Variants in DACH1 observed in about 807,000 individuals in gnomAD.
DACH1 encodes the protein dachshund homolog 1.
In DACH1, 12 loss-of-function variants were observed where a neutral mutation model predicts 54.2. That is an observed-to-expected ratio of 0.22 (90% CI 0.14 to 0.36). The LOEUF (loss-of-function observed/expected upper bound fraction) is 0.36, where lower values mean the gene tolerates loss of function less well. DACH1 is among the 10% of genes least tolerant of loss of function. DACH1 has a pLI of 1.00. For synonymous variants in DACH1, 386 were observed against 366.2 expected (o/e 1.05, Z -0.62); for missense variants, 805 against 929.8 (o/e 0.87, Z 1.75).
intron 1 of DACH1, among the ~76,000 whole-genome samples, chr13:71,828,883 A>G (rs555041909): frequency 2.0e-5 from 3 of 151,836 alleles, no homozygotes; most frequent in South Asian, 2.1e-4. Flanking sequence ...TTATGCTTAT[A>G]CTGTTGCCAT....
chr13:71,787,048 C>T (rs932506029), intron 1 of DACH1, among the ~76,000 whole-genome samples: 2 of 152,142 alleles, frequency 1.3e-5, no homozygotes, highest in African/African-American at 4.8e-5. Flanking sequence ...ACAAAACCTG[C>T]GTCTTCACAC....
chr13:71,864,722 C>G (rs1487743951), intron 1 of DACH1, among the ~76,000 whole-genome samples: 3 of 151,978 alleles, frequency 2.0e-5, no homozygotes, highest in Non-Finnish European at 4.4e-5. Flanking sequence ...ATCTCTACCC[C>G]GAAACTGACA....
chr13:71,748,876 T>C (rs1209271811), intron 1 of DACH1, among the ~76,000 whole-genome samples: 2 of 15,342 alleles, frequency 1.3e-4, no homozygotes, highest in African/African-American at 2.2e-4. Flanking sequence ...CTTTCTTTCT[T>C]TCTTTCTTTC....
intron 2 of DACH1, among the ~76,000 whole-genome samples, chr13:71,646,450 A>T (rs1878278806): frequency 6.6e-6 from 1 of 152,206 alleles, no homozygotes; most frequent in Non-Finnish European, 1.5e-5. Flanking sequence ...TAATAAGGAA[A>T]AAGTAGTGTT....
chr13:71,719,026 T>C (rs1432122006), intron 1 of DACH1, among the ~76,000 whole-genome samples: 1 of 152,156 alleles, frequency 6.6e-6, no homozygotes, highest in Non-Finnish European at 1.5e-5. Flanking sequence ...CTACTGTTAG[T>C]GGAGCTTTCT....
intron 1 of DACH1, among the ~76,000 whole-genome samples, chr13:71,785,668 T>C (rs1413332167): frequency 6.6e-6 from 1 of 152,208 alleles, no homozygotes; most frequent in Admixed American, 6.5e-5. Context: ...GCACAAAGCC[T>C]GAAAGGCCCA....
At chr13:71,499,075 G>T (rs1040953287) in intron 6 of DACH1, among the ~76,000 whole-genome samples, 4 of 151,298 alleles carry the variant, frequency 2.6e-5, no homozygotes, top group Non-Finnish European at 5.9e-5. Flanking sequence ...AAATGGAATG[G>T]CACCAAGCAT....
intron 2 of DACH1, among the ~76,000 whole-genome samples, chr13:71,643,377 A>T (rs1878043738): frequency 6.6e-6 from 1 of 152,214 alleles, no homozygotes; most frequent in Non-Finnish European, 1.5e-5. Flanking sequence ...ACATAACTTT[A>T]TCTTGGAGGT....
At chr13:71,542,372 A>G (rs1302842762) in intron 6 of DACH1, among the ~76,000 whole-genome samples, 1 of 152,180 alleles carries the variant, frequency 6.6e-6, no homozygotes, top group Non-Finnish European at 1.5e-5. Flanking sequence ...AACTTATTAC[A>G]TCACAATATG....
chr13:71,645,122 C>A (rs1037153605), intron 2 of DACH1, among the ~76,000 whole-genome samples: 1 of 152,118 alleles, frequency 6.6e-6, no homozygotes, highest in East Asian at 1.9e-4. Flanking sequence ...TTAGAATCAA[C>A]GAGCAGGTTT....
rs1880036133 is a variant in DACH1, at chr13:71,502,891, A to G, written c.1571-13743T>C. Among the ~76,000 whole-genome samples the G allele has an allele frequency of 2.0e-5, 3 of 152,348 alleles. No homozygotes were observed. The South Asian group carries it at 6.2e-4, about 32-fold the overall frequency. The stretch of plus-strand genomic sequence containing the variant: ...ACTTGGTGACTACTTTGCTCTGATA[A>G]GCTGGCATGCAACATGCTGTTGGAA... On this transcript the variant is annotated intron_variant, in intron 6 of 10. Coordinates refer to ENST00000613252, the MANE Select transcript of DACH1 (RefSeq NM_080759.6).
chr13:71,706,125 G>A (rs1431127925), intron 1 of DACH1, among the ~76,000 whole-genome samples: 3 of 151,828 alleles, frequency 2.0e-5, no homozygotes, highest in South Asian at 2.1e-4. Flanking sequence ...TTTCTAATGC[G>A]AATGTTACAG....
intron 1 of DACH1, among the ~76,000 whole-genome samples, chr13:71,695,685 G>A (rs922671179): frequency 5.9e-5 from 9 of 152,118 alleles, no homozygotes; most frequent in East Asian, 1.9e-4. Context: ...AGGCCATTTC[G>A]GTAAATTCAC....
At chr13:71,633,496 T>G (rs1350150469) in intron 2 of DACH1, among the ~76,000 whole-genome samples, 1 of 152,144 alleles carries the variant, frequency 6.6e-6, no homozygotes, top group East Asian at 1.9e-4. Flanking sequence ...CTTTATGATT[T>G]TATTATTTAG....
intron 1 of DACH1, among the ~76,000 whole-genome samples, chr13:71,706,325 T>C (rs978318972): frequency 4.3e-4 from 66 of 152,052 alleles, no homozygotes; most frequent in African/African-American, 1.5e-3. Flanking sequence ...TTAGTATTAA[T>C]TGAAATCTAT....
chr13:71,605,448 G>C (rs1286212301), intron 3 of DACH1, among the ~76,000 whole-genome samples: 1 of 151,532 alleles, frequency 6.6e-6, no homozygotes, highest in African/African-American at 2.4e-5. Flanking sequence ...AGATCACTTG[G>C]TTTAGTGTGA....
chr13:71,452,011 T>A (rs540636804), intron 10 of DACH1, among the ~76,000 whole-genome samples: 48 of 152,346 alleles, frequency 3.2e-4, no homozygotes, highest in African/African-American at 1.1e-3. Context: ...GAGAAAATGC[T>A]AAAACACATG....
chr13:71,774,811 A>ATACC, intron 1 of DACH1, among the ~76,000 whole-genome samples: 1 of 152,308 alleles, frequency 6.6e-6, no homozygotes, highest in Non-Finnish European at 1.5e-5. Context: ...GCATTATGGT[A>ATACC]GACAGGGACA....
chr13:71,452,472 A>G (rs1396324247), intron 10 of DACH1, among the ~76,000 whole-genome samples: 1 of 152,188 alleles, frequency 6.6e-6, no homozygotes, highest in Non-Finnish European at 1.5e-5. Context: ...TACATCAGCT[A>G]TATCAGATAT....
Sources: gnomAD v4.1 joint callset for allele counts (sites outside exome capture counted in the v4.1 genomes callset) on GRCh38, gnomAD v4.1.1 for gene constraint, MANE v1.5 for transcripts, NCBI Gene and HGNC (gene_info 2026-07-23, HGNC 2026-07-21) for gene names.